The following ATP1B3 variants were observed in gnomAD, a reference collection of about 807,000 sequenced individuals.
The protein encoded by ATP1B3 is ATPase Na+/K+ transporting subunit beta 3.
Under a neutral mutation model 30.2 loss-of-function variants are expected in ATP1B3, and 10 were observed. The ratio of observed to expected loss-of-function variants is 0.33; its 90% CI spans 0.20 to 0.56. ATP1B3 has a LOEUF of 0.56. ATP1B3 is among the 20% of genes least tolerant of loss of function. The probability of loss-of-function intolerance (pLI) is 0.90; values close to 1 mark genes in which losing one functional copy is unlikely to be tolerated. For missense variants in ATP1B3, 238 were observed against 336.7 expected (o/e 0.71, Z 2.29); for synonymous variants, 113 against 117.0 (o/e 0.97, Z 0.22).
At chr3:141,884,002 C>G (rs1222627544) in intron 1 of ATP1B3, among the ~76,000 whole-genome samples, 1 of 152,154 alleles carries the variant, frequency 6.6e-6, no homozygotes, top group African/African-American at 2.4e-5. Context: ...GGTTTGCTTC[C>G]TGCTTTATTG....
intron 1 of ATP1B3, among the ~76,000 whole-genome samples, chr3:141,878,119 C>T (rs551763024): frequency 6.6e-6 from 1 of 152,186 alleles, no homozygotes; most frequent in East Asian, 1.9e-4. Flanking sequence ...TTTAGCCCAA[C>T]CCCCACTTTA....
chr3:141,884,124 G>C (rs1427602237), intron 1 of ATP1B3, among the ~76,000 whole-genome samples: 1 of 151,938 alleles, frequency 6.6e-6, no homozygotes, highest in Non-Finnish European at 1.5e-5. Context: ...CTTCCCTTAT[G>C]GGGTGCTATT....
intron 3 of ATP1B3, among the ~76,000 whole-genome samples, chr3:141,912,977 A>G (rs1934392221): frequency 6.6e-6 from 1 of 152,196 alleles, no homozygotes; most frequent in African/African-American, 2.4e-5. Context: ...CAGAAAAGTC[A>G]GAGTTAATTT....
chr3:141,915,357 G>T (rs764624657), intron 4 of ATP1B3, among the ~76,000 whole-genome samples: 1 of 152,162 alleles, frequency 6.6e-6, no homozygotes, highest in African/African-American at 2.4e-5. Context: ...TAGATTTTAC[G>T]TGCATTCACG....
chr3:141,892,748 GCTGC>G (rs1231627939), intron 1 of ATP1B3, among the ~76,000 whole-genome samples: 18 of 151,748 alleles, frequency 1.2e-4, no homozygotes, highest in South Asian at 4.2e-4. Flanking sequence ...AAAATCATTG[GCTGC>G]CTGGGGAAGG....
At chr3:141,885,087 C>G (rs994986103) in intron 1 of ATP1B3, among the ~76,000 whole-genome samples, 1 of 152,136 alleles carries the variant, frequency 6.6e-6, no homozygotes, top group African/African-American at 2.4e-5. Flanking sequence ...CCCTGAGGTT[C>G]TGTATTGCTC....
intron 4 of ATP1B3, among the ~76,000 whole-genome samples, chr3:141,914,503 G>A (rs535117725): frequency 1.3e-5 from 2 of 152,208 alleles, no homozygotes; most frequent in Non-Finnish European, 2.9e-5. Flanking sequence ...AAGATGATAC[G>A]GCTTTTCTTG....
At chr3:141,891,712 A>G (rs940453248) in intron 1 of ATP1B3, among the ~76,000 whole-genome samples, 1 of 151,984 alleles carries the variant, frequency 6.6e-6, no homozygotes, top group African/African-American at 2.4e-5. Context: ...GTATATTTTA[A>G]TGATGTTTTA....
intron 1 of ATP1B3, among the ~76,000 whole-genome samples, chr3:141,891,840 G>T (rs568203742): frequency 1.4e-5 from 2 of 145,672 alleles, no homozygotes; most frequent in Admixed American, 1.4e-4. Flanking sequence ...TTCTAAATTT[G>T]TATTGTTAAT....
intron 1 of ATP1B3, among the ~76,000 whole-genome samples, chr3:141,888,443 CAT>C (rs1933877357): frequency 6.6e-6 from 1 of 151,992 alleles, no homozygotes; most frequent in Non-Finnish European, 1.5e-5. Flanking sequence ...ATAGGAAACT[CAT>C]ATGTTCTGGA....
intron 6 of ATP1B3, 98 bp from the exon 7 acceptor site, chr3:141,925,431 AGT>A: frequency 7.7e-7 from 1 of 1,299,628 alleles, no homozygotes; most frequent in Non-Finnish European, 1.1e-6. Flanking sequence ...CCTGGGCAAC[AGT>A]CTCAAAAAGA....
Position 141,907,172 on chromosome 3 carries a change from A to G in ATP1B3, c.244A>G (p.Met82Val). The G allele has an allele frequency of 6.2e-7, 1 of 1,607,448 alleles. No individual in the cohort carries two copies. Among genetic ancestry groups the G allele is most frequent in the Non-Finnish European group, 8.5e-7 (1 of 1,176,148 alleles). The change falls in exon 3 of 7, where the codon ATG (methionine) becomes GTG (valine). Residue 82 changes from methionine to valine, a missense_variant. Transcript: ENST00000286371. The stretch of plus-strand genomic sequence containing the variant: ...TCCCTTTTATGTCTTTATAGGACTC[A>G]TGGTTTTTCCAAAACCAGTGACCGC... ...YRDQIPSPGL[M>V]VFPKPVTALE...
At chr3:141,917,877 C>T (rs1442542258) in intron 5 of ATP1B3, among the ~76,000 whole-genome samples, 1 of 151,690 alleles carries the variant, frequency 6.6e-6, no homozygotes, top group African/African-American at 2.4e-5. Flanking sequence ...ACACCATTCT[C>T]CTGCCTCAGC....
chr3:141,900,564 A>G (rs1934144792), intron 1 of ATP1B3, among the ~76,000 whole-genome samples: 1 of 152,114 alleles, frequency 6.6e-6, no homozygotes, highest in Non-Finnish European at 1.5e-5. Context: ...AACCTCCTGT[A>G]TTAGTTACTA....
At chr3:141,877,673 C>T (rs1374785285) in intron 1 of ATP1B3, 3 of 150,138 alleles carry the variant, frequency 2.0e-5, no homozygotes, top group Admixed American at 6.6e-5. Context: ...TTTTTTTTTC[C>T]CGTGTCTTCA....
At position 141,926,029 on chromosome 3, in the gene ATP1B3, T is replaced by C. The variant is rs1194751881; in HGVS notation, c.*328T>C. On this transcript the variant is annotated 3_prime_UTR_variant, in exon 7 of 7. Coordinates refer to ENST00000286371, the MANE Select transcript of ATP1B3 (RefSeq NM_001679.4). ...CTAAAGCTTAATATGCCGTGCTATG[T>C]AAATATTTTATGGATATAACAACTG... 4.7e-6 allele frequency: 1 copy of C among 213,950 alleles called. No homozygotes were observed. Among genetic ancestry groups the C allele is most frequent in the Admixed American group, 5.5e-5 (1 of 18,220 alleles). 13.3% of individuals were successfully genotyped at this position (213,950 alleles called of 1,614,324 possible). A position where few individuals can be genotyped will look rare whatever the true frequency, so the allele number is the denominator to read the frequency against.
rs150125094 is a variant in ATP1B3, at chr3:141,925,782, T to C, written c.*81T>C. 327 of 1,496,962 alleles carry C rather than the reference T, an allele frequency of 2.2e-4. 6 individuals are homozygous for C. In the East Asian group the frequency reaches 6.9e-3, roughly 32 times the overall value. 92.7% of individuals were successfully genotyped at this position (1,496,962 alleles called of 1,614,324 possible). ...ACAGCTGGACCTTCCATTCTAGAAT[T>C]ATGAGACCACCTTGGAGAAAGGTGT... On this transcript the variant is annotated 3_prime_UTR_variant, in exon 7 of 7. Transcript: ENST00000286371.
chr3:141,915,931 T>C (rs1247758916), intron 4 of ATP1B3, 39 bp from the exon 5 acceptor site: 3 of 1,544,184 alleles, frequency 1.9e-6, no homozygotes, highest in Non-Finnish European at 2.7e-6. Flanking sequence ...ATTGCATACT[T>C]ACGTGAAGTT....
intron 1 of ATP1B3, among the ~76,000 whole-genome samples, chr3:141,895,241 T>C (rs932900842): frequency 4.7e-5 from 7 of 149,484 alleles, no homozygotes; most frequent in Middle Eastern, 3.4e-3. Context: ...CGGGCTGGAG[T>C]GCAGTGGCGT....
Sources: gnomAD v4.1 joint callset for allele counts (sites outside exome capture counted in the v4.1 genomes callset) on GRCh38, gnomAD v4.1.1 for gene constraint, MANE v1.5 for transcripts, NCBI Gene and HGNC (gene_info 2026-07-23, HGNC 2026-07-21) for gene names.